Variants in INTS12 observed in about 807,000 individuals in gnomAD.
The protein encoded by INTS12 is PHD finger protein 22.
A neutral mutation model predicts 41.6 loss-of-function variants in INTS12; 13 were observed. The ratio of observed to expected loss-of-function variants is 0.31; its 90% CI spans 0.20 to 0.50. The LOEUF (loss-of-function observed/expected upper bound fraction) is 0.50, where lower values mean the gene tolerates loss of function less well. INTS12 is among the 20% of genes least tolerant of loss of function. The pLI is 0.98. For missense variants in INTS12, 432 were observed against 541.6 expected (o/e 0.80, Z 2.01); for synonymous variants, 199 against 191.4 (o/e 1.04, Z -0.33).
intron 3 of INTS12, among the ~76,000 whole-genome samples, chr4:105,697,382 T>C (rs79721545): frequency 0.01 from 1,554 of 152,202 alleles, 32 homozygotes; most frequent in African/African-American, 0.035. Flanking sequence ...ATGGGAATAA[T>C]ACACAACAAT....
intron 1 of INTS12, chr4:105,707,904 C>A: frequency 3.2e-6 from 3 of 937,800 alleles, no homozygotes; most frequent in Non-Finnish European, 3.8e-6. Flanking sequence ...CTCCTAGATC[C>A]ATTTTTCACC....
At chr4:105,693,908 A>AT (rs1201540792) in intron 4 of INTS12, among the ~76,000 whole-genome samples, 3 of 152,232 alleles carry the variant, frequency 2.0e-5, no homozygotes, top group Non-Finnish European at 4.4e-5. Context: ...AAAAAGTCTG[A>AT]TAAGACATGG....
chr4:105,702,214 C>G (rs1324845632), intron 2 of INTS12, among the ~76,000 whole-genome samples: 1 of 141,732 alleles, frequency 7.1e-6, no homozygotes, highest in East Asian at 2.0e-4. Context: ...CGGCTCATGG[C>G]AAGCTCCGCC....
At chr4:105,699,412 G>T (rs1731980207) in intron 3 of INTS12, among the ~76,000 whole-genome samples, 1 of 152,102 alleles carries the variant, frequency 6.6e-6, no homozygotes, top group South Asian at 2.1e-4. Flanking sequence ...AGTTCTCAGA[G>T]TTCATCCATA....
rs137865784 is a variant in INTS12, at chr4:105,690,950, G to T, written c.657+1026C>A. ...AATTAAATAAAAACCAAACTGAGCAGAACAGATTGTAACTTGTCATAGAAA... is the reference window on the plus strand; with the variant it reads ...AATTAAATAAAAACCAAACTGAGCATAACAGATTGTAACTTGTCATAGAAA... On this transcript the variant is annotated intron_variant, in intron 6 of 7. Transcript: ENST00000340139. Among the ~76,000 whole-genome samples, 1,365 of 152,232 alleles carry T rather than the reference G, an allele frequency of 9.0e-3. 19 individuals are homozygous for T. The highest frequency in any genetic ancestry group is 0.029 in the African/African-American group (1,215 of 41,524).
intron 2 of INTS12, among the ~76,000 whole-genome samples, chr4:105,703,443 T>A (rs1732154106): frequency 6.6e-6 from 1 of 152,148 alleles, no homozygotes; most frequent in Non-Finnish European, 1.5e-5. Flanking sequence ...TTTTTCTGTA[T>A]CTCTTATTAT....
intron 1 of INTS12, among the ~76,000 whole-genome samples, chr4:105,707,191 C>T (rs1203080293): frequency 6.6e-6 from 1 of 152,136 alleles, no homozygotes; most frequent in Non-Finnish European, 1.5e-5. Flanking sequence ...TATTCAAATA[C>T]TTCTCATGAA....
intron 3 of INTS12, among the ~76,000 whole-genome samples, chr4:105,697,418 G>A (rs1731906390): frequency 6.6e-6 from 1 of 151,692 alleles, no homozygotes; most frequent in African/African-American, 2.4e-5. Flanking sequence ...ACCTCTGAGG[G>A]GGGAAGAGAA....
intron 5 of INTS12, 22 bp from the exon 6 acceptor site, chr4:105,692,157 C>T: frequency 6.2e-7 from 1 of 1,601,134 alleles, no homozygotes. Context: ...TACCATTAAA[C>T]ATTACACTAC....
intron 6 of INTS12, among the ~76,000 whole-genome samples, chr4:105,687,902 G>A (rs1383301121): frequency 2.0e-5 from 3 of 151,964 alleles, no homozygotes; most frequent in Non-Finnish European, 2.9e-5. Flanking sequence ...GCAGTGAGCC[G>A]AGATCGCACC....
At chr4:105,695,967 C>T (rs1731849338) in intron 3 of INTS12, among the ~76,000 whole-genome samples, 1 of 152,144 alleles carries the variant, frequency 6.6e-6, no homozygotes, top group African/African-American at 2.4e-5. Flanking sequence ...GATTCTCCTG[C>T]CTCAGCCTCC....
chr4:105,688,113 G>A (rs987133721), intron 6 of INTS12, among the ~76,000 whole-genome samples: 13 of 152,202 alleles, frequency 8.5e-5, no homozygotes, highest in African/African-American at 3.1e-4. Context: ...GATTATGTAA[G>A]AGTTTAGCAT....
chr4:105,692,228 A>C (rs1429022846), intron 5 of INTS12, 93 bp from the exon 6 acceptor site: 1 of 1,248,616 alleles, frequency 8.0e-7, no homozygotes, highest in Non-Finnish European at 1.1e-6. Flanking sequence ...TCATGCCTGT[A>C]ATCCCAGCAC....
chr4:105,702,084 T>G (rs1732094165), intron 2 of INTS12, among the ~76,000 whole-genome samples: 1 of 151,830 alleles, frequency 6.6e-6, no homozygotes, highest in African/African-American at 2.4e-5. Flanking sequence ...GTCCCCATGG[T>G]GGAATACAGA....
chr4:105,686,912 G>A, intron 6 of INTS12, 74 bp from the exon 7 acceptor site: 4 of 1,270,652 alleles, frequency 3.1e-6, no homozygotes, highest in South Asian at 1.2e-5. Flanking sequence ...TCCCTCACAG[G>A]ACTCATCACT....
At chr4:105,700,159 A>G in intron 2 of INTS12, 145 bp from the exon 3 acceptor site, 1 of 470,386 alleles carries the variant, frequency 2.1e-6, no homozygotes, top group Non-Finnish European at 3.5e-6. Context: ...ATTACAAATA[A>G]AAGTAAATTT....
intron 5 of INTS12, among the ~76,000 whole-genome samples, chr4:105,692,789 T>C (rs1269167191): frequency 1.3e-5 from 2 of 152,224 alleles, no homozygotes; most frequent in Non-Finnish European, 1.5e-5. Flanking sequence ...AATTCCCTTA[T>C]ATTAGTTAGC....
At chr4:105,688,757 T>A (rs1171963022) in intron 6 of INTS12, among the ~76,000 whole-genome samples, 2 of 152,230 alleles carry the variant, frequency 1.3e-5, no homozygotes, top group Non-Finnish European at 1.5e-5. Context: ...TTTTAACAGA[T>A]AAAGACTAAT....
At chr4:105,686,894 G>A in intron 6 of INTS12, 56 bp from the exon 7 acceptor site, 2 of 1,472,234 alleles carry the variant, frequency 1.4e-6, no homozygotes, top group South Asian at 1.1e-5. Context: ...TATACAGAAA[G>A]ATAATAATCC....
Sources: gnomAD v4.1 joint callset for allele counts (sites outside exome capture counted in the v4.1 genomes callset) on GRCh38, gnomAD v4.1.1 for gene constraint, MANE v1.5 for transcripts, NCBI Gene and HGNC (gene_info 2026-07-23, HGNC 2026-07-21) for gene names.